The following CELSR1 variants were observed in gnomAD, a reference collection of about 807,000 sequenced individuals.
CELSR1 encodes the protein cadherin EGF LAG seven-pass G-type receptor 1.
Under a neutral mutation model 249.1 loss-of-function variants are expected in CELSR1, and 110 were observed. The ratio of observed to expected loss-of-function variants is 0.44; its 90% confidence interval spans 0.38 to 0.52. CELSR1 has a LOEUF of 0.52. Ranked by LOEUF, CELSR1 falls within the 20% of genes least tolerant of loss-of-function variation. The pLI, the probability that CELSR1 is intolerant of heterozygous loss-of-function variation, is 0.00. For synonymous variants in CELSR1, 2,113 were observed against 1,900.0 expected, an observed-to-expected ratio of 1.11 and a Z score of -2.92; for missense variants, 4,109 against 4,296.4, an observed-to-expected ratio of 0.96 and a Z score of 1.22.
In CELSR1 at chr22:46,439,938, C is replaced by A. The variant is rs570927458; in HGVS notation, c.4184-527G>T. 1.9e-4 allele frequency among the ~76,000 whole-genome samples: 29 copies of A among 152,270 alleles called. 2 individuals carry two copies. The highest frequency in any genetic ancestry group is 1.4e-3 in the Admixed American group (22 of 15,296). ...CTGACTGCCGTCCGCCCTCCCACCC[C>A]TCACACAGACCCCTCGCACTGTCTG... is the stretch of plus-strand genomic sequence containing the variant. On this transcript the variant is annotated intron_variant, in intron 2 of 34. Transcript: ENST00000674500.
At chr22:46,378,188 A>G (rs1398977891) in intron 23 of CELSR1, among the ~76,000 whole-genome samples, 1 of 152,188 alleles carries the variant, frequency 6.6e-6, no homozygotes, top group Admixed American at 6.5e-5. Flanking sequence ...AGCGCCCAGC[A>G]GCTGTCACCT....
rs543153082 is a variant in CELSR1, at chr22:46,463,963, G to C, written c.3927C>G (p.Arg1309=). The C allele has an allele frequency of 6.8e-6, 11 of 1,614,000 alleles. No individual in the cohort carries two copies. Among genetic ancestry groups the C allele is most frequent in the Middle Eastern group, 1.6e-4 (1 of 6,062 alleles). ...VLPFDDNICL[R]EPCENYMKCV... is the part of the protein sequence containing the mutation. ...ACTTCATGTAGTTCTCGCAGGGCTCGCGCAGGCAGATGTTGTCGTCGAAGG... is the reference window on the plus strand; with the variant it reads ...ACTTCATGTAGTTCTCGCAGGGCTCCCGCAGGCAGATGTTGTCGTCGAAGG... The change falls in exon 2 of 35, where the codon CGC becomes CGG. Residue 1309 remains arginine, a synonymous_variant. Coordinates refer to ENST00000674500, the MANE Select transcript of CELSR1 (RefSeq NM_001378328.1).
intron 1 of CELSR1, among the ~76,000 whole-genome samples, chr22:46,501,969 CCTGTAGAAAACAGGG>C (rs1186559635): frequency 1.3e-5 from 2 of 152,130 alleles, no homozygotes; most frequent in Non-Finnish European, 2.9e-5. Context: ...AGAAAACTGC[CCTGTAGAAAACAGGG>C]CTGGGCGTGG....
chr22:46,410,597 CG>C lies in CELSR1; in HGVS notation c.4770-37del. On this transcript the variant is annotated intron_variant, in intron 6 of 34. Coordinates refer to ENST00000674500, the MANE Select transcript of CELSR1 (RefSeq NM_001378328.1). This position sits in a 1 kb window ranked among gnomAD's most constrained non-coding sequence, Gnocchi z 6.8. ...AAAGCCATCTTCTGTGACGTCAGGG[CG>C]GGGAGAGGCGGCCACGGCGGGCTGG... is the stretch of plus-strand genomic sequence containing the variant. The C allele has an allele frequency of 6.2e-7, 1 of 1,601,026 alleles. No individual in the cohort carries two copies. The highest frequency in any genetic ancestry group is 1.3e-5 in the African/African-American group (1 of 74,750).
Position 46,390,382 on chromosome 22 carries a change from G to A in CELSR1, c.6345+10C>T. 6.2e-7 allele frequency: 1 copy of A among 1,608,204 alleles called. No individual in the cohort carries two copies. Among genetic ancestry groups the A allele is most frequent in the Non-Finnish European group, 8.5e-7 (1 of 1,176,388 alleles). On this transcript the variant is annotated intron_variant, in intron 17 of 34. Coordinates refer to ENST00000674500, the MANE Select transcript of CELSR1 (RefSeq NM_001378328.1). This position sits in a 1 kb window ranked among gnomAD's most constrained non-coding sequence, Gnocchi z 6.3. ...CCCCTGCTGAACACACATCCCCGAG[G>A]CGCCCCTACCATGGCCCTGAGGTCC...
Position 46,386,645 on chromosome 22 carries a change from G to A in CELSR1, c.6556-60C>T, listed in dbSNP as rs2079037377. On this transcript the variant is annotated intron_variant, in intron 18 of 34. Transcript: ENST00000674500. Reference sequence around the variant, plus strand: ...CGGAGGCCTGGCTCGTGGGACGGAGGGACACCTGCCCTGAAAGCCTTTGCT... The same window carrying A: ...CGGAGGCCTGGCTCGTGGGACGGAGAGACACCTGCCCTGAAAGCCTTTGCT... 5.0e-6 allele frequency: 7 copies of A among 1,409,970 alleles called. No homozygotes were observed. In the South Asian group the frequency reaches 9.5e-5, roughly 19 times the overall value. 87.3% of individuals were successfully genotyped at this position (1,409,970 alleles called of 1,614,324 possible).
At chr22:46,452,393 C>T (rs574433999) in intron 2 of CELSR1, among the ~76,000 whole-genome samples, 3 of 152,306 alleles carry the variant, frequency 2.0e-5, no homozygotes, top group Admixed American at 6.5e-5. Flanking sequence ...CTCCTGGGCC[C>T]GAGTGGACTC....
At position 46,409,130 on chromosome 22, in the gene CELSR1, T is replaced by C. The variant is rs1215466153; in HGVS notation, c.5092A>G (p.Ser1698Gly). ...TTCAGGTCACTCCAGGACACGACGC[T>C]CTCACCGCTGAAGAGCTGGGGGTGA... The part of the protein sequence containing the change: ...MPHPQLFSGE[S>G]VVSWSDLNII... The change falls in exon 9 of 35, where the codon AGC becomes GGC. Residue 1698 changes from serine to glycine, a missense_variant. Around this residue, in one of 7 missense-constraint regions of CELSR1, gnomAD observed 453 missense variants for 492.0 expected, o/e 0.92. Transcript: ENST00000674500. The surrounding 1 kb of genome is among the most constrained non-coding windows in gnomAD (Gnocchi z 9.8). The C allele has an allele frequency of 6.2e-7, 1 of 1,613,320 alleles. No individual in the cohort carries two copies. The highest frequency in any genetic ancestry group is 8.5e-7 in the Non-Finnish European group (1 of 1,179,718).
chr22:46,536,925 C>T lies in CELSR1; in HGVS notation c.246G>A (p.Ala82=). 8.5e-7 allele frequency: 1 copy of T among 1,173,156 alleles called. No homozygotes were observed. The highest frequency in any genetic ancestry group is 1.1e-6 in the Non-Finnish European group (1 of 950,910). 72.7% of individuals were successfully genotyped at this position (1,173,156 alleles called of 1,614,324 possible). A position where few individuals can be genotyped will look rare whatever the true frequency, so the allele number is the denominator to read the frequency against. Residue 82 remains alanine, a synonymous_variant, in exon 1 of 35, where the codon GCG becomes GCA. Coordinates refer to ENST00000674500, the MANE Select transcript of CELSR1 (RefSeq NM_001378328.1). ...GGACTTGCAGCGGCAGCGGGCGCCC[C>T]GCGCCCGAGACGCGCCGACGTCCTG... is the stretch of plus-strand genomic sequence containing the variant. The part of the protein sequence containing the change: ...RLAGRRRVSG[A]GRPLPLQVRL...
At chr22:46,455,117 G>C (rs559489348) in intron 2 of CELSR1, among the ~76,000 whole-genome samples, 2 of 152,342 alleles carry the variant, frequency 1.3e-5, no homozygotes, top group South Asian at 4.1e-4. Context: ...GGGGCTACCA[G>C]AAACTGGACG....
rs1361346523 is a variant in CELSR1 at position 46,536,772 on chromosome 22, G to A, written c.399C>T (p.Phe133=). The A allele has an allele frequency of 1.2e-5, 14 of 1,184,988 alleles. No homozygotes were observed. Among genetic ancestry groups the A allele is most frequent in the Non-Finnish European group, 1.5e-5 (14 of 959,342 alleles). The allele number at this position is 1,184,988 out of a possible 1,614,324, so 73.4% of individuals were successfully genotyped here. A position where few individuals can be genotyped will look rare whatever the true frequency, so the allele number is the denominator to read the frequency against. The part of the protein sequence containing the change: ...TGARLCGALC[F]PVPGGCAAAQ... ...CGGCCGCGCAGCCGCCGGGGACGGG[G>A]AAGCAGAGCGCCCCGCAGAGCCGGG... The change falls in exon 1 of 35, where the codon TTC becomes TTT. Residue 133 remains phenylalanine (F), a synonymous_variant. Transcript: ENST00000674500.
chr22:46,389,777 CTA>C (rs1277258531), intron 17 of CELSR1, among the ~76,000 whole-genome samples: 1 of 150,560 alleles, frequency 6.6e-6, no homozygotes, highest in Non-Finnish European at 1.5e-5. Flanking sequence ...ATACTCTACT[CTA>C]TGTCTCTATT....
chr22:46,533,052 A>T (rs2080808564), intron 1 of CELSR1, among the ~76,000 whole-genome samples: 1 of 152,190 alleles, frequency 6.6e-6, no homozygotes, highest in Non-Finnish European at 1.5e-5. Flanking sequence ...AAATGAGGCT[A>T]TGCTTTTCAA....
rs745930956 is a variant in CELSR1 at position 46,399,816 on chromosome 22, G to A, written c.5313C>T (p.Asp1771=). 25 of 1,613,998 alleles carry A rather than the reference G, an allele frequency of 1.5e-5. No individual in the cohort carries two copies. The highest frequency in any genetic ancestry group is 1.5e-4 in the Admixed American group (9 of 59,984). ...SVMLSGLRVT[D]GEWHHLLIEL... The stretch of plus-strand genomic sequence containing the variant: ...CGATCAGCAGGTGGTGCCACTCCCC[G>A]TCGGTCACCCGCAACCCGGACAGCA... The change falls in exon 10 of 35, where the codon GAC becomes GAT. Residue 1771 remains aspartate (D), a synonymous_variant. Coordinates refer to ENST00000674500, the MANE Select transcript of CELSR1 (RefSeq NM_001378328.1). The surrounding 1 kb of genome is among the most constrained non-coding windows in gnomAD (Gnocchi z 5.0).
At position 46,363,059 on chromosome 22, in the gene CELSR1, G is replaced by C. The variant is rs58948429; in HGVS notation, c.*164C>G. On this transcript the variant is annotated 3_prime_UTR_variant, in exon 35 of 35. Transcript: ENST00000674500. The surrounding 1 kb of genome is among the most constrained non-coding windows in gnomAD (Gnocchi z 4.3). ...ACCTTTGTGTCTGGATGATCAGTCG[G>C]GGGGCTGCCACCATGGGGACCGCCA... The C allele has an allele frequency of 5.5e-6, 8 of 1,443,330 alleles. No individual in the cohort carries two copies. The highest frequency in any genetic ancestry group is 6.8e-6 in the Non-Finnish European group (7 of 1,034,234). The allele number at this position is 1,443,330 out of a possible 1,614,324, so 89.4% of individuals were successfully genotyped here. A position where few individuals can be genotyped will look rare whatever the true frequency, so the allele number is the denominator to read the frequency against.
At chr22:46,469,681 A>C (rs1267121577) in intron 1 of CELSR1, among the ~76,000 whole-genome samples, 4 of 151,518 alleles carry the variant, frequency 2.6e-5, no homozygotes, top group Admixed American at 2.0e-4. Flanking sequence ...ACGCCTGGCT[A>C]ATTTTTGTAT....
In CELSR1 at chr22:46,396,538, ACT is replaced by A; in HGVS notation, c.5843+65_5843+66del. On this transcript the variant is annotated intron_variant, in intron 13 of 34. Transcript: ENST00000674500. The surrounding 1 kb of genome is among the most constrained non-coding windows in gnomAD (Gnocchi z 6.4). ...TGGGTCAAAATAAGAAAGAGAAGAC[ACT>A]GAGTCGAGGGAACACAGCCACATGG... 1 of 1,403,756 alleles carries A rather than the reference ACT, an allele frequency of 7.1e-7. No individual in the cohort carries two copies. Among genetic ancestry groups the A allele is most frequent in the East Asian group, 2.7e-5 (1 of 37,494 alleles). The allele number at this position is 1,403,756 out of a possible 1,614,324, so 87.0% of individuals were successfully genotyped here. A position where few individuals can be genotyped will look rare whatever the true frequency, so the allele number is the denominator to read the frequency against.
chr22:46,373,155 G>A (rs1050111034), intron 24 of CELSR1, 98 bp from the exon 25 acceptor site: 23 of 1,282,250 alleles, frequency 1.8e-5, no homozygotes, highest in African/African-American at 4.4e-5. Flanking sequence ...CTCACAATTC[G>A]GACCACCCTA....
At chr22:46,389,668 C>G (rs1008796368) in intron 17 of CELSR1, among the ~76,000 whole-genome samples, 169 bp from the exon 18 acceptor site, 5 of 152,254 alleles carry the variant, frequency 3.3e-5, no homozygotes, top group African/African-American at 1.2e-4. Flanking sequence ...GTAATCCCAG[C>G]ACTTTGGGAG....
Sources: allele counts gnomAD v4.1 joint callset (sites outside exome capture counted in the v4.1 genomes callset), GRCh38; gene constraint gnomAD v4.1.1; regional missense constraint gnomAD v4.1.1; non-coding constraint Gnocchi (gnomAD v3.1); transcripts MANE v1.5; gene names NCBI Gene and HGNC (gene_info 2026-07-23, HGNC 2026-07-21).